MAP3K5: variants seen among roughly 807,000 people sequenced by gnomAD.
The protein encoded by MAP3K5 is mitogen-activated protein kinase kinase kinase 5, also known as ASK-1.
Under a neutral mutation model 158.7 loss-of-function variants are expected in MAP3K5, and 56 were observed. That is an observed-to-expected ratio of 0.35 (90% CI 0.28 to 0.44). The LOEUF (loss-of-function observed/expected upper bound fraction) is 0.44, where lower values mean the gene tolerates loss of function less well. Ranked by LOEUF, MAP3K5 falls within the 20% of genes least tolerant of loss-of-function variation. The pLI is 1.00. For missense variants in MAP3K5, 1,294 were observed against 1,674.8 expected, an observed-to-expected ratio of 0.77 and a Z score of 3.97; for synonymous variants, 579 against 601.7, an observed-to-expected ratio of 0.96 and a Z score of 0.55.
At chr6:136,579,699 T>C (rs930517480) in intron 25 of MAP3K5, 7 of 402,910 alleles carry the variant, frequency 1.7e-5, no homozygotes, top group Non-Finnish European at 2.5e-5. Context: ...TGGGGGACCT[T>C]GATAATGGAG....
chr6:136,688,778 T>G (rs1483265733), intron 7 of MAP3K5, among the ~76,000 whole-genome samples: 2 of 152,240 alleles, frequency 1.3e-5, no homozygotes, highest in African/African-American at 4.8e-5. Context: ...GCATTCTAAC[T>G]TCATAGGAGA....
chr6:136,709,113 T>C (rs1403567626), intron 2 of MAP3K5, among the ~76,000 whole-genome samples: 1 of 152,200 alleles, frequency 6.6e-6, no homozygotes, highest in Non-Finnish European at 1.5e-5. Context: ...ACATTGCACA[T>C]TTTTGTTCCT....
intron 11 of MAP3K5, among the ~76,000 whole-genome samples, chr6:136,648,799 T>C (rs1487447953): frequency 6.6e-6 from 1 of 152,126 alleles, no homozygotes; most frequent in East Asian, 1.9e-4. Flanking sequence ...TCCCAGCTGA[T>C]TTGGACACAT....
At chr6:136,673,109 A>T (rs1311422297) in intron 7 of MAP3K5, among the ~76,000 whole-genome samples, 1 of 152,174 alleles carries the variant, frequency 6.6e-6, no homozygotes, top group South Asian at 2.1e-4. Context: ...TATTTAAGGG[A>T]TAAGAAGATA....
chr6:136,638,219 C>A (rs895940628), intron 13 of MAP3K5, among the ~76,000 whole-genome samples: 10 of 150,928 alleles, frequency 6.6e-5, no homozygotes, highest in South Asian at 4.2e-4. Context: ...AGTGAAAGAT[C>A]AAAAAAAAAT....
rs1338988036 is a variant in MAP3K5 at position 136,561,617 on chromosome 6, T to C, written c.3903A>G (p.Leu1301=). 1 of 1,612,710 alleles carries C rather than the reference T, an allele frequency of 6.2e-7. No homozygotes were observed. The highest frequency in any genetic ancestry group is 2.2e-5 in the East Asian group (1 of 44,874). ...CTTCAGTATTTGTGCCAGAAGAATT[T>C]AGATGAAATACAGGCAATTCAGGAA... ...IEIPELPVFH[L]NSSGTNTEDS... The change falls in exon 28 of 30, where the codon CTA becomes CTG. Residue 1301 remains leucine, a synonymous_variant. Transcript: ENST00000359015.
chr6:136,659,314 T>C lies in MAP3K5; in HGVS notation c.1431A>G (p.Glu477=). Residue 477 remains glutamate (E), a synonymous_variant, in exon 9 of 30, where the codon GAA becomes GAG. Coordinates refer to ENST00000359015, the MANE Select transcript of MAP3K5 (RefSeq NM_005923.4). ...GNLEKLQSYW[E]VGFFLGASVL... is the part of the protein sequence containing the mutation. Reference sequence around the variant, plus strand: ...CGCTGGCCCCCAGAAAAAATCCAACTTCCCAGTAGCTCTGGAGTTTTTCCA... The same window carrying C: ...CGCTGGCCCCCAGAAAAAATCCAACCTCCCAGTAGCTCTGGAGTTTTTCCA... 1 of 1,614,002 alleles carries C rather than the reference T, an allele frequency of 6.2e-7. No homozygotes were observed. Among genetic ancestry groups the C allele is most frequent in the East Asian group, 2.2e-5 (1 of 44,880 alleles).
At chr6:136,581,666 G>C (rs1355726140) in intron 24 of MAP3K5, among the ~76,000 whole-genome samples, 1 of 152,224 alleles carries the variant, frequency 6.6e-6, no homozygotes, top group Admixed American at 6.5e-5. Context: ...TAGTTTGGAA[G>C]AGAGTCAGTT....
chr6:136,751,110 A>C (rs1783187487), intron 1 of MAP3K5, among the ~76,000 whole-genome samples: 1 of 148,786 alleles, frequency 6.7e-6, no homozygotes, highest in Non-Finnish European at 1.5e-5. Flanking sequence ...TCTCTGCACA[A>C]ATCTGCTGAT....
At chr6:136,761,853 A>G (rs1245576270) in intron 1 of MAP3K5, among the ~76,000 whole-genome samples, 1 of 152,204 alleles carries the variant, frequency 6.6e-6, no homozygotes, top group African/African-American at 2.4e-5. Context: ...GAAGCGATGG[A>G]GAAGGAAGGG....
At chr6:136,745,684 G>A (rs1037532612) in intron 1 of MAP3K5, among the ~76,000 whole-genome samples, 1 of 152,106 alleles carries the variant, frequency 6.6e-6, no homozygotes, top group African/African-American at 2.4e-5. Flanking sequence ...CATTCTGCAT[G>A]TTTCCGCTGC....
chr6:136,718,678 A>G (rs891299148), intron 2 of MAP3K5, among the ~76,000 whole-genome samples: 5 of 152,236 alleles, frequency 3.3e-5, no homozygotes, highest in Non-Finnish European at 7.3e-5. Flanking sequence ...TAAAACAATA[A>G]GCCAGTTTAT....
At chr6:136,619,553 G>C in intron 15 of MAP3K5, among the ~76,000 whole-genome samples, 1 of 152,234 alleles carries the variant, frequency 6.6e-6, no homozygotes. Flanking sequence ...CCCCACCAGA[G>C]TAGTCCATTT....
In MAP3K5 at chr6:136,659,368, T is replaced by C; in HGVS notation, c.1377A>G (p.Leu459=). ...SFELRKVGVK[L]SSLLGKKGNL... ...TTCCCTTTTTACCAAGAAGACTACTTAGCTTCACCCCTAGAATACAAACAG... is the reference window on the plus strand; with the variant it reads ...TTCCCTTTTTACCAAGAAGACTACTCAGCTTCACCCCTAGAATACAAACAG... The change falls in exon 9 of 30, where the codon CTA becomes CTG. Residue 459 remains leucine, a synonymous_variant. Coordinates refer to ENST00000359015, the MANE Select transcript of MAP3K5 (RefSeq NM_005923.4). 1 of 1,613,976 alleles carries C rather than the reference T, an allele frequency of 6.2e-7. No individual in the cohort carries two copies. The highest frequency in any genetic ancestry group is 8.5e-7 in the Non-Finnish European group (1 of 1,179,986).
chr6:136,667,316 C>T (rs955514384), intron 8 of MAP3K5, among the ~76,000 whole-genome samples: 2 of 152,086 alleles, frequency 1.3e-5, no homozygotes, highest in African/African-American at 4.8e-5. Context: ...GGGATTTTGG[C>T]TAGTATAGAG....
chr6:136,599,784 C>T (rs1418330375), intron 21 of MAP3K5, among the ~76,000 whole-genome samples: 1 of 152,174 alleles, frequency 6.6e-6, no homozygotes, highest in Admixed American at 6.5e-5. Flanking sequence ...GATCAGAACC[C>T]ACTTCTGTGT....
At chr6:136,569,736 T>A (rs1328288505) in intron 25 of MAP3K5, among the ~76,000 whole-genome samples, 1 of 152,234 alleles carries the variant, frequency 6.6e-6, no homozygotes, top group Non-Finnish European at 1.5e-5. Context: ...TCACAGGTCA[T>A]AGTCACTCAT....
chr6:136,703,001 T>TAA (rs1780917883), intron 3 of MAP3K5, among the ~76,000 whole-genome samples: 1 of 152,176 alleles, frequency 6.6e-6, no homozygotes, highest in South Asian at 2.1e-4. Flanking sequence ...GGCTCCTAAT[T>TAA]AATTATTTTC....
chr6:136,585,497 A>C (rs60258845), intron 23 of MAP3K5, among the ~76,000 whole-genome samples: 12,394 of 127,362 alleles, frequency 0.097, 890 homozygotes, highest in East Asian at 0.27. Flanking sequence ...TTATTTATTT[A>C]TTTATTTATT....
Sources: allele counts gnomAD v4.1 joint callset (sites outside exome capture counted in the v4.1 genomes callset), GRCh38; gene constraint gnomAD v4.1.1; transcripts MANE v1.5; gene names NCBI Gene and HGNC (gene_info 2026-07-23, HGNC 2026-07-21).